The following IGF1R variants were observed in gnomAD, a reference collection of about 807,000 sequenced individuals.
IGF1R encodes the protein insulin-like growth factor 1 receptor.
In IGF1R, 44 loss-of-function variants were observed where a neutral mutation model predicts 144.6. The ratio of observed to expected loss-of-function variants is 0.30; its 90% CI spans 0.24 to 0.39. IGF1R has a LOEUF of 0.39. Among genes scored for constraint, IGF1R ranks in the 10% least tolerant of loss-of-function variants. IGF1R has a pLI of 1.00. For missense variants in IGF1R, 1,355 were observed against 1,833.7 expected, an observed-to-expected ratio of 0.74 and a Z score of 4.77; for synonymous variants, 795 against 722.8, an observed-to-expected ratio of 1.10 and a Z score of -1.60.
chr15:98,667,482 C>G (rs2141189244), intron 1 of IGF1R, among the ~76,000 whole-genome samples: 1 of 152,360 alleles, frequency 6.6e-6, no homozygotes, highest in East Asian at 1.9e-4. Context: ...GGCCAGGAAG[C>G]TTGGAGGGAC....
At chr15:98,919,089 A>G (rs1206973972) in intron 10 of IGF1R, among the ~76,000 whole-genome samples, 1 of 152,216 alleles carries the variant, frequency 6.6e-6, no homozygotes, top group Admixed American at 6.5e-5. Flanking sequence ...GAGGACTAGA[A>G]AGATTGCAAA....
At chr15:98,925,018 G>C (rs2015655854) in intron 13 of IGF1R, among the ~76,000 whole-genome samples, 1 of 150,856 alleles carries the variant, frequency 6.6e-6, no homozygotes, top group Admixed American at 6.6e-5. Flanking sequence ...TTAAACAAAA[G>C]ACATTTTATA....
intron 3 of IGF1R, chr15:98,893,431 A>C (rs945767393): frequency 2.0e-5 from 3 of 152,230 alleles, no homozygotes; most frequent in Non-Finnish European, 2.9e-5. Context: ...GAGGATACAT[A>C]TTACATCCAA....
chr15:98,666,560 G>A (rs1224185899), intron 1 of IGF1R, among the ~76,000 whole-genome samples: 3 of 152,224 alleles, frequency 2.0e-5, no homozygotes, highest in African/African-American at 7.2e-5. Flanking sequence ...CCTTAAAAAG[G>A]AAGGAAATTC....
At chr15:98,721,475 G>A (rs1208147655) in intron 2 of IGF1R, among the ~76,000 whole-genome samples, 3 of 152,214 alleles carry the variant, frequency 2.0e-5, no homozygotes, top group Non-Finnish European at 4.4e-5. Context: ...TAGTGTCTGA[G>A]TGGTTTGGTC....
chr15:98,789,841 A>T (rs1339584767), intron 2 of IGF1R, among the ~76,000 whole-genome samples: 1 of 152,156 alleles, frequency 6.6e-6, no homozygotes, highest in Non-Finnish European at 1.5e-5. Context: ...GTGGAAAAGC[A>T]CCATGGGAGG....
chr15:98,821,470 T>A (rs1382523531), intron 2 of IGF1R, among the ~76,000 whole-genome samples: 1 of 152,164 alleles, frequency 6.6e-6, no homozygotes. Flanking sequence ...GTGGCCCCTT[T>A]TCTGCTGGAT....
chr15:98,803,092 A>G (rs1338868414), intron 2 of IGF1R, among the ~76,000 whole-genome samples: 1 of 152,190 alleles, frequency 6.6e-6, no homozygotes, highest in East Asian at 1.9e-4. Flanking sequence ...GCTTAATGAC[A>G]GGGATATGTT....
intron 1 of IGF1R, among the ~76,000 whole-genome samples, chr15:98,658,613 C>G (rs887281219): frequency 6.6e-6 from 1 of 152,196 alleles, no homozygotes; most frequent in African/African-American, 2.4e-5. Flanking sequence ...TCAGGTGATT[C>G]CTTTCCCCCA....
chr15:98,694,435 G>T (rs764086775), intron 1 of IGF1R, among the ~76,000 whole-genome samples: 9 of 151,904 alleles, frequency 5.9e-5, no homozygotes, highest in Non-Finnish European at 1.2e-4. Flanking sequence ...GTGGCTCTAT[G>T]AACATCCCCA....
chr15:98,866,202 C>T (rs2012436344), intron 2 of IGF1R, among the ~76,000 whole-genome samples: 3 of 152,342 alleles, frequency 2.0e-5, no homozygotes, highest in African/African-American at 2.4e-5. Flanking sequence ...CAGGACGCTC[C>T]TGCCGTCCAC....
chr15:98,892,776 G>A (rs1052337325), intron 3 of IGF1R, among the ~76,000 whole-genome samples: 1 of 152,162 alleles, frequency 6.6e-6, no homozygotes, highest in African/African-American at 2.4e-5. Context: ...AACACTTTGG[G>A]AGGCCAAGGT....
intron 2 of IGF1R, among the ~76,000 whole-genome samples, chr15:98,868,907 T>G (rs1471127640): frequency 1.3e-5 from 2 of 152,160 alleles, no homozygotes; most frequent in Non-Finnish European, 2.9e-5. Flanking sequence ...GAGAGGATTA[T>G]CTTCATTAAA....
intron 2 of IGF1R, among the ~76,000 whole-genome samples, chr15:98,744,530 G>A (rs2054819284): frequency 1.3e-5 from 2 of 152,064 alleles, no homozygotes; most frequent in East Asian, 3.9e-4. Flanking sequence ...CCAGGGAGGA[G>A]CAGAGGTGGA....
intron 2 of IGF1R, among the ~76,000 whole-genome samples, chr15:98,717,448 G>A (rs900146712): frequency 5.3e-5 from 8 of 152,178 alleles, no homozygotes; most frequent in Admixed American, 2.6e-4. Context: ...TGGTCCTTCT[G>A]TATTGCTTTT....
At chr15:98,655,344 A>G (rs2052459660) in intron 1 of IGF1R, among the ~76,000 whole-genome samples, 1 of 152,216 alleles carries the variant, frequency 6.6e-6, no homozygotes, top group Non-Finnish European at 1.5e-5. Flanking sequence ...AAGTTTTTAA[A>G]TGGTCAATTT....
intron 2 of IGF1R, among the ~76,000 whole-genome samples, chr15:98,814,078 A>G (rs190355563): frequency 5.9e-5 from 9 of 152,294 alleles, no homozygotes; most frequent in African/African-American, 1.7e-4. Flanking sequence ...GGGATAATTG[A>G]GGTATGTGAC....
intron 1 of IGF1R, among the ~76,000 whole-genome samples, chr15:98,686,990 T>C (rs2053345503): frequency 6.6e-6 from 1 of 152,158 alleles, no homozygotes; most frequent in African/African-American, 2.4e-5. Flanking sequence ...TTTATGGGTA[T>C]GAATTCACTT....
At chr15:98,723,688 A>T (rs959725821) in intron 2 of IGF1R, among the ~76,000 whole-genome samples, 2 of 152,186 alleles carry the variant, frequency 1.3e-5, no homozygotes, top group African/African-American at 2.4e-5. Context: ...TGTCTGAGCA[A>T]CCTCTGTACT....
Sources: allele counts gnomAD v4.1 joint callset (sites outside exome capture counted in the v4.1 genomes callset), GRCh38; gene constraint gnomAD v4.1.1; transcripts MANE v1.5; gene names NCBI Gene and HGNC (gene_info 2026-07-23, HGNC 2026-07-21).